Variants in KAT6A observed in about 807,000 individuals in gnomAD.
KAT6A encodes the protein lysine acetyltransferase 6A, also known as histone acetyltransferase KAT6A.
A neutral mutation model predicts 198.4 loss-of-function variants in KAT6A; 9 were observed. That is an observed-to-expected ratio of 0.05 (90% CI 0.03 to 0.08). KAT6A has a LOEUF of 0.08. Among genes scored for constraint, KAT6A ranks in the 10% least tolerant of loss-of-function variants. The pLI is 1.00. For missense variants in KAT6A, 2,077 were observed against 2,509.9 expected, an observed-to-expected ratio of 0.83 and a Z score of 3.69; for synonymous variants, 890 against 883.0, an observed-to-expected ratio of 1.01 and a Z score of -0.14.
intron 2 of KAT6A, among the ~76,000 whole-genome samples, chr8:42,002,377 A>C (rs1314783642): frequency 1.3e-5 from 2 of 152,208 alleles, no homozygotes; most frequent in East Asian, 3.8e-4. Flanking sequence ...CCTGGCAAAC[A>C]CGGCAAAACC....
intron 2 of KAT6A, among the ~76,000 whole-genome samples, chr8:41,996,625 A>G (rs1363063647): frequency 2.0e-5 from 3 of 152,110 alleles, no homozygotes; most frequent in Non-Finnish European, 4.4e-5. Context: ...GGAGTGGGCT[A>G]GTTATCGTTG....
intron 2 of KAT6A, among the ~76,000 whole-genome samples, chr8:42,032,037 C>T (rs1027184200): frequency 6.6e-6 from 1 of 151,988 alleles, no homozygotes; most frequent in Non-Finnish European, 1.5e-5. Flanking sequence ...TCACGCCGTT[C>T]TCCTGCCTCA....
At chr8:41,991,474 T>C (rs1824943511) in intron 2 of KAT6A, among the ~76,000 whole-genome samples, 1 of 152,184 alleles carries the variant, frequency 6.6e-6, no homozygotes, top group Non-Finnish European at 1.5e-5. Flanking sequence ...AAGGAAACAG[T>C]AGTGAATTGT....
rs1391866372 is a variant in KAT6A, at chr8:41,934,188, C to G, written c.4032G>C (p.Glu1344Asp). Residue 1344 changes from glutamate (E) to aspartate (D), a missense_variant, in exon 17 of 17, where the codon GAG becomes GAC. Transcript: ENST00000265713. ...EQPTREDVKEEPGVQESFLDA... is the reference protein window; with the variant it reads ...EQPTREDVKEDPGVQESFLDA... Reference sequence around the variant, plus strand: ...CTAAAAAAGACTCTTGAACACCAGGCTCCTCCTTGACATCTTCCCTCGTGG... The same window carrying G: ...CTAAAAAAGACTCTTGAACACCAGGGTCCTCCTTGACATCTTCCCTCGTGG... 1 of 1,614,194 alleles carries G rather than the reference C, an allele frequency of 6.2e-7. No individual in the cohort carries two copies. The highest frequency in any genetic ancestry group is 8.5e-7 in the Non-Finnish European group (1 of 1,180,048).
chr8:41,952,700 C>T (rs1215470220), intron 9 of KAT6A, among the ~76,000 whole-genome samples: 4 of 152,074 alleles, frequency 2.6e-5, no homozygotes, highest in Non-Finnish European at 4.4e-5. Context: ...AATTTATAAG[C>T]AGTTTAGCAC....
chr8:41,976,150 C>A (rs1458318076), intron 7 of KAT6A, among the ~76,000 whole-genome samples: 1 of 152,202 alleles, frequency 6.6e-6, no homozygotes, highest in Non-Finnish European at 1.5e-5. Flanking sequence ...AGTGAATACA[C>A]TCTCCCTCAC....
intron 4 of KAT6A, 45 bp downstream of exon 4, chr8:41,981,794 C>G (rs1191151216): frequency 5.2e-6 from 6 of 1,164,788 alleles, no homozygotes; most frequent in Non-Finnish European, 7.7e-6. Context: ...GTCGTACATT[C>G]TACTACTAAA....
Position 41,942,798 on chromosome 8 carries a change from T to C in KAT6A, c.2431A>G (p.Ile811Val). Residue 811 changes from isoleucine to valine, a missense_variant, in exon 14 of 17, where the codon ATC becomes GTC. By Grantham distance (29) the Ile-to-Val change is conservative. Transcript: ENST00000265713. Reference protein sequence around the residue: ...EPQCQERELEISVGKSVSHEN... With the variant: ...EPQCQERELEVSVGKSVSHEN... ...GAGACTATTCATGCCCTTACACTGATCTCTAATTCTCTTTCCTGGCACTGT... is the reference window on the plus strand; with the variant it reads ...GAGACTATTCATGCCCTTACACTGACCTCTAATTCTCTTTCCTGGCACTGT... 6.2e-7 allele frequency: 1 copy of C among 1,614,154 alleles called. No individual in the cohort carries two copies.
At chr8:42,047,738 T>C (rs1391237486) in intron 2 of KAT6A, among the ~76,000 whole-genome samples, 1 of 152,194 alleles carries the variant, frequency 6.6e-6, no homozygotes, top group African/African-American at 2.4e-5. Context: ...TTTAGGATAC[T>C]GTATTCCTGT....
chr8:41,984,152 A>G (rs952022545), intron 3 of KAT6A, among the ~76,000 whole-genome samples: 3 of 152,214 alleles, frequency 2.0e-5, no homozygotes, highest in African/African-American at 7.2e-5. Context: ...GCCAGTCTCC[A>G]GGCTGCTCCC....
At chr8:41,979,729 G>C (rs976193915) in intron 5 of KAT6A, among the ~76,000 whole-genome samples, 2 of 151,028 alleles carry the variant, frequency 1.3e-5, no homozygotes, top group South Asian at 4.2e-4. Flanking sequence ...GGCTGGGCGC[G>C]GTGGCTCATG....
At chr8:41,999,217 T>C (rs1825368488) in intron 2 of KAT6A, among the ~76,000 whole-genome samples, 1 of 152,208 alleles carries the variant, frequency 6.6e-6, no homozygotes, top group Non-Finnish European at 1.5e-5. Flanking sequence ...TATCCATATT[T>C]GCTGAATTTA....
chr8:41,940,409 G>C (rs1822051545), intron 15 of KAT6A, among the ~76,000 whole-genome samples: 1 of 152,134 alleles, frequency 6.6e-6, no homozygotes, highest in Non-Finnish European at 1.5e-5. Context: ...AAAATATAGG[G>C]CAGCACTATG....
chr8:41,989,917 T>C (rs1170540793), intron 2 of KAT6A, among the ~76,000 whole-genome samples: 1 of 152,212 alleles, frequency 6.6e-6, no homozygotes, highest in African/African-American at 2.4e-5. Context: ...GACTGAGAGA[T>C]GAACGGCTAG....
intron 16 of KAT6A, among the ~76,000 whole-genome samples, chr8:41,936,624 G>T (rs146485011): frequency 6.6e-6 from 1 of 152,132 alleles, no homozygotes. Context: ...TGACAACTAG[G>T]CTGCTTTAAA....
rs1464693133 is a variant in KAT6A at position 41,977,017 on chromosome 8, A to C, written c.1354T>G (p.Trp452Gly). ...RGNRKSSTSD[W>G]PTDNQDGWDG... ...TGTTCTAAACTCTTACCTGTGGGCC[A>C]ATCTGAAGTGCTTGATTTCCTGTTG... Residue 452 changes from tryptophan to glycine, a missense_variant, in exon 7 of 17, where the codon TGG (tryptophan) becomes GGG (glycine). Around this residue, in one of 13 missense-constraint regions of KAT6A, gnomAD observed 206 missense variants for 214.9 expected, o/e 0.96. Transcript: ENST00000265713. 1.1e-5 allele frequency: 18 copies of C among 1,605,584 alleles called. No individual in the cohort carries two copies. Among genetic ancestry groups the C allele is most frequent in the Non-Finnish European group, 1.2e-5 (14 of 1,174,942 alleles).
intron 8 of KAT6A, among the ~76,000 whole-genome samples, chr8:41,965,024 A>T (rs1426532885): frequency 6.6e-6 from 1 of 152,194 alleles, no homozygotes; most frequent in Admixed American, 6.5e-5. Flanking sequence ...GGCCCATCAG[A>T]TCAACAAATA....
At chr8:41,965,397 G>A in intron 8 of KAT6A, among the ~76,000 whole-genome samples, 1 of 152,198 alleles carries the variant, frequency 6.6e-6, no homozygotes, top group African/African-American at 2.4e-5. Flanking sequence ...TGGGCCACAG[G>A]CCATATTTTG....
At chr8:41,941,553 A>C in intron 14 of KAT6A, 109 bp from the exon 15 acceptor site, 1 of 1,148,096 alleles carries the variant, frequency 8.7e-7, no homozygotes, top group African/African-American at 1.5e-5. Flanking sequence ...ACTGAGCTTT[A>C]AAAAGAAAAT....
Sources: allele counts gnomAD v4.1 joint callset (sites outside exome capture counted in the v4.1 genomes callset), GRCh38; gene constraint gnomAD v4.1.1; regional missense constraint gnomAD v4.1.1; transcripts MANE v1.5; gene names NCBI Gene and HGNC (gene_info 2026-07-23, HGNC 2026-07-21).